C12orf42: variants seen among roughly 807,000 people sequenced by gnomAD.
The protein encoded by C12orf42 is chromosome 12 open reading frame 42, also known as uncharacterized protein C12orf42.
A neutral mutation model predicts 21.6 loss-of-function variants in C12orf42; 25 were observed. The observed-to-expected ratio is 1.16, with a 90% CI of 0.84 to 1.62. The LOEUF (loss-of-function observed/expected upper bound fraction) is 1.62. Ranked by LOEUF, C12orf42 falls within the 40% of genes most tolerant of loss-of-function variation. The probability of loss-of-function intolerance (pLI) is 0.00; values close to 1 mark genes in which losing one functional copy is unlikely to be tolerated. For synonymous variants in C12orf42, 174 were observed against 175.0 expected (o/e 0.99, Z 0.05); for missense variants, 483 against 459.3 (o/e 1.05, Z -0.47).
chr12:103,156,416 G>C, the C12orf42 span, among the ~76,000 whole-genome samples: 1 of 152,102 alleles, frequency 6.6e-6, no homozygotes, highest in African/African-American at 2.4e-5. Context: ...GGTGCAGATT[G>C]CATGAGTGGG....
At chr12:103,336,970 T>C (rs2041754538) in intron 4 of C12orf42, among the ~76,000 whole-genome samples, 3 of 152,122 alleles carry the variant, frequency 2.0e-5, no homozygotes, top group African/African-American at 7.2e-5. Flanking sequence ...GTACAACCCT[T>C]GAAGGAAGAA....
rs567254001 is a variant in C12orf42 at position 103,402,367 on chromosome 12, A to T, written c.79-692T>A. On this transcript the variant is annotated intron_variant, in intron 2 of 5. Transcript: ENST00000548883. ...AATTTTACTTAAAATATCAAACCTT[A>T]ATAAGATAATATCAGGATTTGTTTT... Among the ~76,000 whole-genome samples the T allele has an allele frequency of 3.9e-5, 6 of 152,318 alleles. No homozygotes were observed. In the South Asian group the frequency reaches 1.2e-3, roughly 32 times the overall value.
At chr12:103,552,972 C>T in the C12orf42 span, among the ~76,000 whole-genome samples, 6 of 152,134 alleles carry the variant, frequency 3.9e-5, no homozygotes, top group African/African-American at 1.2e-4. Context: ...ATCATGAGAA[C>T]AGCATGGGGG....
intron 4 of C12orf42, among the ~76,000 whole-genome samples, chr12:103,281,272 C>G (rs918522031): frequency 1.3e-5 from 2 of 152,154 alleles, no homozygotes; most frequent in East Asian, 3.8e-4. Flanking sequence ...CCTAACCCAC[C>G]CTTGTACTCC....
At chr12:103,273,047 G>A (rs2035561477) in intron 5 of C12orf42, among the ~76,000 whole-genome samples, 2 of 152,156 alleles carry the variant, frequency 1.3e-5, no homozygotes, top group African/African-American at 4.8e-5. Flanking sequence ...ACATGAAGTA[G>A]AAGAACATTT....
chr12:103,507,478 C>T, the C12orf42 span, among the ~76,000 whole-genome samples: 4 of 140,014 alleles, frequency 2.9e-5, no homozygotes, highest in African/African-American at 5.4e-5. Context: ...AAGACCAGCC[C>T]GGGTAACATA....
intron 10 of C12orf42, among the ~76,000 whole-genome samples, chr12:103,243,539 C>T (rs2033857403): frequency 1.3e-5 from 2 of 151,754 alleles, no homozygotes; most frequent in South Asian, 4.2e-4. Flanking sequence ...GGAAGTAATG[C>T]CCTGTTTTAT....
the C12orf42 span, among the ~76,000 whole-genome samples, chr12:103,546,013 G>A: frequency 6.6e-6 from 1 of 152,202 alleles, no homozygotes; most frequent in African/African-American, 2.4e-5. Context: ...CAGATATTAA[G>A]TGGGTGGTTT....
the C12orf42 span, among the ~76,000 whole-genome samples, chr12:103,214,663 A>G: frequency 6.6e-6 from 1 of 152,216 alleles, no homozygotes; most frequent in Non-Finnish European, 1.5e-5. Context: ...TTTAGGGGGA[A>G]ACATCTCCAT....
the C12orf42 span, among the ~76,000 whole-genome samples, chr12:103,205,116 A>G: frequency 0.019 from 2,909 of 152,324 alleles, 35 homozygotes; most frequent in East Asian, 0.028. Context: ...AAAAAAGATG[A>G]CAATCAAAAA....
chr12:103,349,313 C>T (rs1442774851), intron 4 of C12orf42: 1 of 151,862 alleles, frequency 6.6e-6, no homozygotes, highest in African/African-American at 2.4e-5. Flanking sequence ...GAGAAGCCCA[C>T]CTTTAATGAA....
the C12orf42 span, among the ~76,000 whole-genome samples, chr12:103,106,938 G>A: frequency 6.6e-6 from 1 of 151,822 alleles, no homozygotes; most frequent in Non-Finnish European, 1.5e-5. Context: ...GGGTAAGAAG[G>A]AAAAGTGTAT....
At chr12:103,128,191 C>A in the C12orf42 span, among the ~76,000 whole-genome samples, 1 of 151,920 alleles carries the variant, frequency 6.6e-6, no homozygotes, top group South Asian at 2.1e-4. Context: ...ATCCTAGAGC[C>A]CAAAATATGG....
chr12:103,344,894 G>T (rs1014960063), intron 4 of C12orf42, among the ~76,000 whole-genome samples: 5 of 152,190 alleles, frequency 3.3e-5, no homozygotes, highest in African/African-American at 1.2e-4. Flanking sequence ...GAAGTGACAT[G>T]GTTCCAGTAT....
chr12:103,184,859 G>A, the C12orf42 span, among the ~76,000 whole-genome samples: 1 of 152,094 alleles, frequency 6.6e-6, no homozygotes, highest in South Asian at 2.1e-4. Context: ...TATTGTCTTT[G>A]TAAGGAGAGA....
the C12orf42 span, among the ~76,000 whole-genome samples, chr12:103,095,099 T>C: frequency 6.6e-6 from 1 of 152,164 alleles, no homozygotes; most frequent in African/African-American, 2.4e-5. Flanking sequence ...GCTACTCTGT[T>C]TTAAGCTGCC....
chr12:103,355,161 A>T (rs1262256866), intron 4 of C12orf42, among the ~76,000 whole-genome samples: 1 of 152,136 alleles, frequency 6.6e-6, no homozygotes, highest in East Asian at 1.9e-4. Context: ...CACCATGACC[A>T]ATATGTCTGT....
chr12:103,059,038 G>A, the C12orf42 span, among the ~76,000 whole-genome samples: 5 of 152,190 alleles, frequency 3.3e-5, no homozygotes, highest in African/African-American at 4.8e-5. Context: ...GAGTCCAGGA[G>A]CTTGTTCTTT....
intron 1 of C12orf42, among the ~76,000 whole-genome samples, chr12:103,482,294 T>C (rs912022468): frequency 6.6e-6 from 1 of 152,160 alleles, no homozygotes; most frequent in African/African-American, 2.4e-5. Flanking sequence ...ATTTTATCCT[T>C]GCACTTGAAT....
Sources: allele counts gnomAD v4.1 joint callset (sites outside exome capture counted in the v4.1 genomes callset), GRCh38; gene constraint gnomAD v4.1.1; transcripts MANE v1.5; gene names NCBI Gene and HGNC (gene_info 2026-07-23, HGNC 2026-07-21).